Variants in EXOC6 observed in about 807,000 individuals in gnomAD.
EXOC6 encodes the protein exocyst complex component 6, also known as SEC15-like 1.
A neutral mutation model predicts 112.5 loss-of-function variants in EXOC6; 60 were observed. The ratio of observed to expected loss-of-function variants is 0.53; its 90% CI spans 0.43 to 0.66. The LOEUF is 0.66. EXOC6 is among the 30% of genes least tolerant of loss of function. The pLI, the probability that EXOC6 is intolerant of heterozygous loss-of-function variation, is 0.00. For synonymous variants in EXOC6, 295 were observed against 308.0 expected (o/e 0.96, Z 0.44); for missense variants, 855 against 957.1 (o/e 0.89, Z 1.41).
At chr10:92,933,966 G>A (rs184442172) in intron 9 of EXOC6, among the ~76,000 whole-genome samples, 178 bp from the exon 10 acceptor site, 47 of 152,138 alleles carry the variant, frequency 3.1e-4, no homozygotes, top group African/African-American at 1.0e-3. Flanking sequence ...TCGAATGTAC[G>A]TTCCATGAGA....
intron 18 of EXOC6, among the ~76,000 whole-genome samples, chr10:92,978,488 CAAAAATAATAAA>C (rs1439447890): frequency 6.6e-6 from 1 of 151,772 alleles, no homozygotes; most frequent in African/African-American, 2.4e-5. Flanking sequence ...GATTTTCAAG[CAAAAATAATAAA>C]TTATTGACTA....
At chr10:92,854,638 T>G (rs1847513278) in intron 1 of EXOC6, among the ~76,000 whole-genome samples, 1 of 152,234 alleles carries the variant, frequency 6.6e-6, no homozygotes, top group South Asian at 2.1e-4. Context: ...TGTCCCTTAT[T>G]CTTTTGATAT....
chr10:92,924,387 G>C (rs1199455946), intron 8 of EXOC6, among the ~76,000 whole-genome samples: 2 of 151,992 alleles, frequency 1.3e-5, no homozygotes, highest in Non-Finnish European at 2.9e-5. Flanking sequence ...TGTTTTCTGG[G>C]GCTGCCAAAA....
Position 93,058,234 on chromosome 10 carries a change from C to T in EXOC6, c.2294C>T (p.Thr765Ile). Residue 765 changes from threonine to isoleucine, a missense_variant, in exon 22 of 22, where the codon ACT becomes ATT. Physicochemically the swap from Thr to Ile is moderately conservative, Grantham distance 89 (BLOSUM62 -1). Around this residue, in one of 2 missense-constraint regions of EXOC6, gnomAD observed 450 missense variants for 563.5 expected, o/e 0.80. Coordinates refer to ENST00000260762, the MANE Select transcript of EXOC6 (RefSeq NM_019053.6). ...ACATATGTTTCTAGGATGAAGGATACTAGCAAAAAGAACAATATATTTGCT... is the reference window on the plus strand; with the variant it reads ...ACATATGTTTCTAGGATGAAGGATATTAGCAAAAAGAACAATATATTTGCT... ...ALTLLEKMKD[T>I]SKKNNIFAQF... The T allele has an allele frequency of 6.2e-7, 1 of 1,603,484 alleles. No individual in the cohort carries two copies. The highest frequency in any genetic ancestry group is 1.3e-5 in the African/African-American group (1 of 74,438).
intron 17 of EXOC6, among the ~76,000 whole-genome samples, chr10:92,959,958 T>A (rs1191981527): frequency 6.6e-6 from 1 of 152,188 alleles, no homozygotes; most frequent in Non-Finnish European, 1.5e-5. Context: ...TGGCAGCTTC[T>A]TAGAAAGTGA....
intron 17 of EXOC6, among the ~76,000 whole-genome samples, chr10:92,969,725 A>T (rs576570908): frequency 6.6e-6 from 1 of 151,450 alleles, no homozygotes; most frequent in African/African-American, 2.4e-5. Context: ...ATGGAGTTTC[A>T]CTCTGTTGCC....
intron 1 of EXOC6, among the ~76,000 whole-genome samples, chr10:92,850,278 C>T (rs1352467457): frequency 1.3e-5 from 2 of 152,190 alleles, no homozygotes; most frequent in Non-Finnish European, 2.9e-5. Context: ...CACTCAGGAA[C>T]AGAATATGTG....
chr10:92,847,579 C>A (rs977845926), upstream of EXOC6, among the ~76,000 whole-genome samples: 1 of 152,226 alleles, frequency 6.6e-6, no homozygotes, highest in Non-Finnish European at 1.5e-5. Flanking sequence ...GCTAGGTTTC[C>A]ATTCTGTTCC....
intron 7 of EXOC6, among the ~76,000 whole-genome samples, chr10:92,916,273 G>A (rs980327966): frequency 1.3e-5 from 2 of 152,174 alleles, no homozygotes; most frequent in African/African-American, 4.8e-5. Flanking sequence ...CACTTTGCAA[G>A]GTTGAGGTGG....
intron 1 of EXOC6, among the ~76,000 whole-genome samples, chr10:92,862,307 A>G (rs2133685409): frequency 6.7e-6 from 1 of 150,070 alleles, no homozygotes; most frequent in Middle Eastern, 3.4e-3. Flanking sequence ...ATGAATCAAT[A>G]CTTGTTATGT....
intron 1 of EXOC6, among the ~76,000 whole-genome samples, chr10:92,891,697 G>A (rs1339410723): frequency 6.6e-6 from 1 of 152,136 alleles, no homozygotes; most frequent in African/African-American, 2.4e-5. Context: ...GGCCAGGCTA[G>A]TCTCAAACTC....
At chr10:92,973,906 G>GAAAA in intron 17 of EXOC6, 147 bp from the exon 18 acceptor site, 1 of 570,680 alleles carries the variant, frequency 1.8e-6, no homozygotes, top group Non-Finnish European at 2.9e-6. Flanking sequence ...AGTACTGCCA[G>GAAAA]AAAAAAAAAA....
In EXOC6 at chr10:92,929,061, G is replaced by T. The variant is rs150747682; in HGVS notation, c.972+639G>T. Reference sequence around the variant, plus strand: ...TGAGTAGGAAAGCATGAGTTTTGACGACATTGGGTACAGAGGGCTAAGCCC... The same window carrying T: ...TGAGTAGGAAAGCATGAGTTTTGACTACATTGGGTACAGAGGGCTAAGCCC... On this transcript the variant is annotated intron_variant, in intron 9 of 21. Coordinates refer to ENST00000260762, the MANE Select transcript of EXOC6 (RefSeq NM_019053.6). Among the ~76,000 whole-genome samples, 3 of 152,302 alleles carry T rather than the reference G, an allele frequency of 2.0e-5. No individual in the cohort carries two copies. In the East Asian group the frequency reaches 5.8e-4, roughly 29 times the overall value.
In EXOC6 at chr10:92,838,764, A is replaced by G. The variant is rs189077412; in HGVS notation, c.86+3940A>G. On this transcript the variant is annotated intron_variant, in intron 1 of 21. Transcript: ENST00000371552. ...TGCCTGTGTTGTCCCAGCATGGTTT[A>G]GCTTTGGCCATTCAAAATCCCCTAC... Among the ~76,000 whole-genome samples the G allele has an allele frequency of 2.0e-5, 3 of 152,284 alleles. No individual in the cohort carries two copies. The East Asian group carries it at 5.8e-4, about 29-fold the overall frequency.
chr10:92,872,847 A>G (rs1224268958), intron 1 of EXOC6, among the ~76,000 whole-genome samples: 2 of 152,118 alleles, frequency 1.3e-5, no homozygotes, highest in Non-Finnish European at 2.9e-5. Flanking sequence ...CTGTGAAGTC[A>G]GCCCTTCAGT....
At chr10:92,987,428 T>C (rs933400088) in intron 18 of EXOC6, among the ~76,000 whole-genome samples, 1 of 152,192 alleles carries the variant, frequency 6.6e-6, no homozygotes, top group African/African-American at 2.4e-5. Context: ...CATGCCTAAA[T>C]CTTCAAAATA....
chr10:92,974,589 T>TTC (rs1842429086), intron 18 of EXOC6, among the ~76,000 whole-genome samples: 1 of 150,908 alleles, frequency 6.6e-6, no homozygotes, highest in African/African-American at 2.5e-5. Flanking sequence ...CCTCTCCCTC[T>TTC]CTTTCCACGT....
chr10:92,851,069 A>G (rs1239054242), intron 1 of EXOC6, among the ~76,000 whole-genome samples: 3 of 152,258 alleles, frequency 2.0e-5, no homozygotes, highest in Admixed American at 1.3e-4. Context: ...ACTGAGTAAA[A>G]TGAAAACACA....
intron 1 of EXOC6, among the ~76,000 whole-genome samples, chr10:92,839,485 G>A (rs908654763): frequency 6.6e-6 from 1 of 152,190 alleles, no homozygotes; most frequent in Non-Finnish European, 1.5e-5. Flanking sequence ...TCTTCATATT[G>A]AGGATGATCC....
Sources: gnomAD v4.1 joint callset for allele counts (sites outside exome capture counted in the v4.1 genomes callset) on GRCh38, gnomAD v4.1.1 for gene constraint, gnomAD v4.1.1 regional missense constraint, MANE v1.5 for transcripts, NCBI Gene and HGNC (gene_info 2026-07-23, HGNC 2026-07-21) for gene names.